Variants in NEDD4L observed in about 807,000 individuals in gnomAD.
NEDD4L encodes the protein E3 ubiquitin-protein ligase NEDD4-like.
NEDD4L carries 54 observed loss-of-function variants against 148.9 expected under a neutral mutation model. The ratio of observed to expected loss-of-function variants is 0.36; its 90% CI spans 0.29 to 0.45. The LOEUF (loss-of-function observed/expected upper bound fraction) is 0.45. Among genes scored for constraint, NEDD4L ranks in the 20% least tolerant of loss-of-function variants. The probability of loss-of-function intolerance (pLI) is 1.00; values close to 1 mark genes in which losing one functional copy is unlikely to be tolerated. For synonymous variants in NEDD4L, 433 were observed against 440.7 expected (o/e 0.98, Z 0.22); for missense variants, 856 against 1,233.8 (o/e 0.69, Z 4.59).
chr18:58,123,207 G>A (rs1213714111), intron 1 of NEDD4L, among the ~76,000 whole-genome samples: 2 of 152,168 alleles, frequency 1.3e-5, no homozygotes, highest in Non-Finnish European at 2.9e-5. Flanking sequence ...TCTTCACAGA[G>A]TATCCACCCA....
intron 1 of NEDD4L, among the ~76,000 whole-genome samples, chr18:58,103,952 T>G (rs2084918922): frequency 6.6e-6 from 1 of 152,206 alleles, no homozygotes; most frequent in Non-Finnish European, 1.5e-5. Context: ...TTTCCCAGCA[T>G]AGAAAATGCA....
intron 1 of NEDD4L, among the ~76,000 whole-genome samples, chr18:58,131,281 T>TGG (rs2032092722): frequency 6.9e-6 from 1 of 145,194 alleles, no homozygotes; most frequent in Admixed American, 6.9e-5. Flanking sequence ...TTGGGCTCTG[T>TGG]GGGTTTGGTT....
chr18:58,372,975 G>A (rs2047091156), intron 23 of NEDD4L, 199 bp from the exon 24 acceptor site: 2 of 516,882 alleles, frequency 3.9e-6, no homozygotes. Flanking sequence ...TTAACTGCAA[G>A]CTCATTACAA....
At chr18:58,297,430 G>A (rs976502993) in intron 5 of NEDD4L, among the ~76,000 whole-genome samples, 2 of 152,194 alleles carry the variant, frequency 1.3e-5, no homozygotes, top group African/African-American at 4.8e-5. Context: ...GAGATACAGA[G>A]ATACATAAAA....
intron 2 of NEDD4L, among the ~76,000 whole-genome samples, chr18:58,235,948 G>T (rs189751809): frequency 3.0e-4 from 46 of 152,234 alleles, no homozygotes; most frequent in African/African-American, 1.1e-3. Context: ...CAGGAGAATC[G>T]CTTGAACCTG....
chr18:58,325,962 G>A (rs1258598958), intron 9 of NEDD4L, among the ~76,000 whole-genome samples: 1 of 152,146 alleles, frequency 6.6e-6, no homozygotes, highest in Non-Finnish European at 1.5e-5. Flanking sequence ...TAGCAGCCAA[G>A]ACAAGGAGGA....
intron 2 of NEDD4L, among the ~76,000 whole-genome samples, chr18:58,202,881 C>A (rs1221292550): frequency 6.6e-6 from 1 of 152,096 alleles, no homozygotes; most frequent in Non-Finnish European, 1.5e-5. Flanking sequence ...GTTACTAGTT[C>A]AATTTATTTG....
At chr18:58,238,898 G>A (rs1317379085) in intron 2 of NEDD4L, among the ~76,000 whole-genome samples, 1 of 152,022 alleles carries the variant, frequency 6.6e-6, no homozygotes, top group Non-Finnish European at 1.5e-5. Context: ...AAAAACTTCA[G>A]TTTCAATATT....
chr18:58,225,138 T>TG (rs980808924), intron 2 of NEDD4L, among the ~76,000 whole-genome samples: 5 of 151,566 alleles, frequency 3.3e-5, no homozygotes, highest in Admixed American at 6.6e-5. Flanking sequence ...AAAGGGGTAT[T>TG]GGGGGGGAAG....
chr18:58,176,930 A>C (rs1245158443), intron 2 of NEDD4L, among the ~76,000 whole-genome samples: 5 of 152,196 alleles, frequency 3.3e-5, no homozygotes, highest in Non-Finnish European at 7.3e-5. Context: ...AAATTTTGTT[A>C]ATCTGGTCAG....
In NEDD4L at chr18:58,149,414, G is replaced by A. The variant is rs4149600; in HGVS notation, c.49-16374G>A. 4,219 of 1,504,200 alleles carry A rather than the reference G, an allele frequency of 2.8e-3. 7 individuals are homozygous for A. The highest frequency in any genetic ancestry group is 3.5e-3 in the Non-Finnish European group (3,880 of 1,119,524). The allele number at this position is 1,504,200 out of a possible 1,614,324, so 93.2% of individuals were successfully genotyped here. On this transcript the variant is annotated intron_variant, in intron 1 of 30. Transcript: ENST00000400345. ...CTTCTCTCCTGTGACCTTGTCACCC[G>A]GCAGTGGAAAGTTACCCTTGGCTGC...
intron 5 of NEDD4L, among the ~76,000 whole-genome samples, chr18:58,277,525 G>A (rs1445957743): frequency 6.6e-6 from 1 of 152,072 alleles, no homozygotes; most frequent in African/African-American, 2.4e-5. Flanking sequence ...CTCCTCGGCA[G>A]CTAGGTGACA....
chr18:58,293,881 C>G (rs747730314), intron 5 of NEDD4L, among the ~76,000 whole-genome samples: 8 of 152,008 alleles, frequency 5.3e-5, no homozygotes, highest in Non-Finnish European at 1.0e-4. Flanking sequence ...TGCCACCATG[C>G]CTGACTAATT....
At chr18:58,182,136 C>G (rs1188557935) in intron 2 of NEDD4L, among the ~76,000 whole-genome samples, 2 of 151,940 alleles carry the variant, frequency 1.3e-5, no homozygotes, top group Non-Finnish European at 2.9e-5. Context: ...GGGAAAGAGT[C>G]CATTAAGTCT....
chr18:58,324,981 A>G lies in NEDD4L; in HGVS notation c.514-15A>G. The G allele has an allele frequency of 6.2e-7, 1 of 1,609,350 alleles. No individual in the cohort carries two copies. The highest frequency in any genetic ancestry group is 8.5e-7 in the Non-Finnish European group (1 of 1,177,188). The stretch of plus-strand genomic sequence containing the variant: ...GAACCAACCTCATAATCGTCCCTTT[A>G]ACTTTATTCCGCAGCATGGATGGGA... On this transcript the variant is annotated splice_polypyrimidine_tract_variant and intron_variant, in intron 8 of 30. Transcript: ENST00000400345.
At position 58,333,891 on chromosome 18, in the gene NEDD4L, C is replaced by T. The variant is rs767136811; in HGVS notation, c.1064C>T (p.Pro355Leu). The T allele has an allele frequency of 2.2e-5, 36 of 1,606,078 alleles. No homozygotes were observed. The highest frequency in any genetic ancestry group is 1.7e-4 in the Middle Eastern group (1 of 6,056). The change falls in exon 12 of 31, where the codon CCG becomes CTG. Residue 355 changes from proline (P) to leucine (L), a missense_variant and splice_region_variant. Pro to Leu is a moderately conservative substitution (Grantham distance 98). Coordinates refer to ENST00000400345, the MANE Select transcript of NEDD4L (RefSeq NM_001144967.3). ...DAVAEQGHLPPPSAPAGRARS... is the reference protein window; with the variant it reads ...DAVAEQGHLPLPSAPAGRARS... ...GTTGCAGAACAGGGCCATCTACCAC[C>T]GGTAACCCATGCTAATTTCCAGTCA...
At chr18:58,261,162 A>G (rs142882500) in intron 5 of NEDD4L, among the ~76,000 whole-genome samples, 2 of 152,340 alleles carry the variant, frequency 1.3e-5, no homozygotes, top group East Asian at 3.8e-4. Context: ...TTCTGTTGTC[A>G]TCTCATCTTT....
intron 2 of NEDD4L, among the ~76,000 whole-genome samples, chr18:58,212,666 T>C (rs548502): frequency 0.44 from 66,494 of 151,960 alleles, 15,816 homozygotes; most frequent in African/African-American, 0.64. Context: ...AGACGAGGTT[T>C]CACCATATTG....
At chr18:58,351,162 T>G in intron 18 of NEDD4L, 117 bp downstream of exon 18, 1 of 1,520,410 alleles carries the variant, frequency 6.6e-7, no homozygotes, top group Non-Finnish European at 8.9e-7. Flanking sequence ...AGGTGTTATG[T>G]GGAGAAAATG....
Sources: allele counts gnomAD v4.1 joint callset (sites outside exome capture counted in the v4.1 genomes callset), GRCh38; gene constraint gnomAD v4.1.1; transcripts MANE v1.5; gene names NCBI Gene and HGNC (gene_info 2026-07-23, HGNC 2026-07-21).